Variants in HERC3 observed in about 807,000 individuals in gnomAD.
HERC3 encodes HECT and RLD domain containing E3 ubiquitin protein ligase 3.
A neutral mutation model predicts 129.9 loss-of-function variants in HERC3; 58 were observed. The observed-to-expected ratio is 0.45, with a 90% CI of 0.36 to 0.56. The LOEUF is 0.56. HERC3 is among the 20% of genes least tolerant of loss of function. The probability of loss-of-function intolerance (pLI) is 0.00; values close to 1 mark genes in which losing one functional copy is unlikely to be tolerated. For missense variants in HERC3, 835 were observed against 1,244.2 expected (o/e 0.67, Z 4.95); for synonymous variants, 430 against 451.0 (o/e 0.95, Z 0.59).
At chr4:88,691,465 G>A (rs1001491770) in intron 23 of HERC3, among the ~76,000 whole-genome samples, 2 of 152,230 alleles carry the variant, frequency 1.3e-5, no homozygotes, top group East Asian at 1.9e-4. Flanking sequence ...AGCATGGTTA[G>A]GTTCTGGCGA....
intron 2 of HERC3, among the ~76,000 whole-genome samples, chr4:88,598,875 C>G (rs1722683073): frequency 1.3e-5 from 2 of 152,182 alleles, no homozygotes; most frequent in African/African-American, 4.8e-5. Flanking sequence ...GAAAGTTGTA[C>G]TTCAAAAGTA....
At chr4:88,665,640 C>T (rs1280836690) in intron 12 of HERC3, among the ~76,000 whole-genome samples, 1 of 152,154 alleles carries the variant, frequency 6.6e-6, no homozygotes, top group Non-Finnish European at 1.5e-5. Flanking sequence ...TACCAGCTAT[C>T]TGGGTATTCC....
intron 3 of HERC3, among the ~76,000 whole-genome samples, chr4:88,626,845 T>G (rs890002613): frequency 2.0e-5 from 3 of 151,998 alleles, no homozygotes; most frequent in Non-Finnish European, 4.4e-5. Flanking sequence ...AAATAATAAG[T>G]TTTTGGTTTC....
At chr4:88,637,086 A>G (rs546985046) in intron 3 of HERC3, among the ~76,000 whole-genome samples, 7 of 151,606 alleles carry the variant, frequency 4.6e-5, no homozygotes, top group Admixed American at 2.0e-4. Context: ...CTGAGATTGC[A>G]CTACTGCACT....
chr4:88,573,660 A>G, the HERC3 span, among the ~76,000 whole-genome samples: 1 of 152,228 alleles, frequency 6.6e-6, no homozygotes, highest in East Asian at 1.9e-4. Flanking sequence ...GGAGATTCCC[A>G]TGCCTTAATC....
At chr4:88,702,856 C>T (rs949704260) in intron 23 of HERC3, among the ~76,000 whole-genome samples, 20 of 152,226 alleles carry the variant, frequency 1.3e-4, no homozygotes, top group African/African-American at 4.8e-4. Flanking sequence ...TTTATATTTC[C>T]ACTTGTGAGA....
the HERC3 span, among the ~76,000 whole-genome samples, chr4:88,572,194 C>T: frequency 0.052 from 7,864 of 151,628 alleles, 281 homozygotes; most frequent in Middle Eastern, 0.14. Context: ...GAGGCCAAGG[C>T]GGGAAGATCA....
chr4:88,703,249 T>C (rs1735485617), intron 23 of HERC3, among the ~76,000 whole-genome samples: 1 of 152,092 alleles, frequency 6.6e-6, no homozygotes, highest in Admixed American at 6.6e-5. Context: ...CCTGAAGCCT[T>C]CCCTCTTTCC....
intron 18 of HERC3, among the ~76,000 whole-genome samples, chr4:88,677,215 G>A (rs1353182040): frequency 6.6e-6 from 1 of 152,076 alleles, no homozygotes; most frequent in African/African-American, 2.4e-5. Flanking sequence ...TGATGTGTGG[G>A]GCCTCAGTTT....
chr4:88,567,843 G>A, the HERC3 span, among the ~76,000 whole-genome samples: 1 of 152,114 alleles, frequency 6.6e-6, no homozygotes, highest in African/African-American at 2.4e-5. Context: ...GGATGGTCTT[G>A]ATACTTGTTG....
intron 11 of HERC3, among the ~76,000 whole-genome samples, chr4:88,662,986 T>G (rs1277851289): frequency 1.3e-5 from 2 of 150,688 alleles, no homozygotes; most frequent in Non-Finnish European, 2.9e-5. Context: ...GAGATGGTAA[T>G]TCAGAGTCAT....
At chr4:88,612,039 A>G (rs531828095) in intron 3 of HERC3, among the ~76,000 whole-genome samples, 3 of 152,250 alleles carry the variant, frequency 2.0e-5, no homozygotes, top group East Asian at 3.9e-4. Flanking sequence ...ATACCATGTT[A>G]TACACTCTGT....
At chr4:88,699,698 A>C (rs1735150425) in intron 23 of HERC3, among the ~76,000 whole-genome samples, 1 of 152,166 alleles carries the variant, frequency 6.6e-6, no homozygotes, top group East Asian at 1.9e-4. Flanking sequence ...TAAAAAAAAA[A>C]TCCCACATTT....
chr4:88,541,591 C>T, the HERC3 span, among the ~76,000 whole-genome samples: 3 of 152,284 alleles, frequency 2.0e-5, no homozygotes, highest in East Asian at 5.8e-4. Flanking sequence ...AACAAGCAGG[C>T]CTAATAGACA....
intron 9 of HERC3, chr4:88,657,584 T>C (rs1269003536): frequency 6.6e-6 from 1 of 152,280 alleles, no homozygotes; most frequent in Non-Finnish European, 1.5e-5. Flanking sequence ...AATTATAACC[T>C]GACTTCCATG....
the HERC3 span, among the ~76,000 whole-genome samples, chr4:88,539,943 A>G: frequency 1.3e-5 from 2 of 152,242 alleles, no homozygotes; most frequent in African/African-American, 4.8e-5. Context: ...GGTCACCAAC[A>G]ACAAAGACCA....
the HERC3 span, among the ~76,000 whole-genome samples, chr4:88,542,467 T>C: frequency 4.0e-5 from 6 of 151,858 alleles, no homozygotes. Context: ...CCAAAAAAAG[T>C]CCAGGACCAG....
At chr4:88,572,917 C>A in the HERC3 span, among the ~76,000 whole-genome samples, 1 of 151,852 alleles carries the variant, frequency 6.6e-6, no homozygotes, top group Non-Finnish European at 1.5e-5. Context: ...TTCATAAATT[C>A]TTTAAAAATT....
intron 12 of HERC3, 46 bp from the exon 13 acceptor site, chr4:88,667,331 T>G (rs1731155603): frequency 9.6e-7 from 1 of 1,039,972 alleles, no homozygotes; most frequent in East Asian, 2.4e-5. Context: ...TATCAGAGTG[T>G]TTGCTTTTTC....
Sources: allele counts gnomAD v4.1 joint callset (sites outside exome capture counted in the v4.1 genomes callset), GRCh38; gene constraint gnomAD v4.1.1; transcripts MANE v1.5; gene names NCBI Gene and HGNC (gene_info 2026-07-23, HGNC 2026-07-21).